The following LNP1 variants were observed in gnomAD, a reference collection of about 807,000 sequenced individuals.
LNP1 encodes leukemia NUP98 fusion partner 1.
A neutral mutation model predicts 14.5 loss-of-function variants in LNP1; 12 were observed. The ratio of observed to expected loss-of-function variants is 0.83; its 90% confidence interval spans 0.53 to 1.34. The LOEUF is 1.34. Among genes scored for constraint, LNP1 ranks in the 40% most tolerant of loss-of-function variants. The pLI is 0.00. For synonymous variants in LNP1, 75 were observed against 71.4 expected (o/e 1.05, Z -0.26); for missense variants, 198 against 210.9 (o/e 0.94, Z 0.38).
In LNP1 at chr3:100,434,759, C is replaced by T. The variant is rs549605981; in HGVS notation, c.156+4874C>T. ...AGCCTGGCTGGTCTTGAACTCCTGA[C>T]CTCAGGTGATCTGCCCACCTCGGCC... On this transcript the variant is annotated intron_variant, in intron 2 of 3. Transcript: ENST00000383693. Among the ~76,000 whole-genome samples the T allele has an allele frequency of 4.0e-5, 6 of 151,624 alleles. No individual in the cohort carries two copies. In the South Asian group the frequency reaches 1.0e-3, roughly 26 times the overall value.
intron 1 of LNP1, among the ~76,000 whole-genome samples, chr3:100,406,141 C>T (rs1706963476): frequency 6.6e-6 from 1 of 152,094 alleles, no homozygotes; most frequent in South Asian, 2.1e-4. Flanking sequence ...CAAAAATTAG[C>T]CGGGCATGGT....
chr3:100,422,741 G>T (rs1576229181), intron 1 of LNP1, among the ~76,000 whole-genome samples: 2 of 148,586 alleles, frequency 1.3e-5, no homozygotes, highest in Admixed American at 6.7e-5. Flanking sequence ...AAGGTAACTG[G>T]ATATTTATAT....
intron 2 of LNP1, among the ~76,000 whole-genome samples, chr3:100,441,902 T>G (rs1299211757): frequency 1.3e-5 from 2 of 152,094 alleles, no homozygotes; most frequent in Non-Finnish European, 2.9e-5. Flanking sequence ...TGATGTCAGG[T>G]GATCCACTCG....
chr3:100,401,899 G>C lies in LNP1; in HGVS notation c.-574G>C, dbSNP rs1470475874. ...TGTTAGGGGTTTCTTAAACTGAGTT[G>C]GTAGAAATGCGAAGCGTCAGGGTTC... On this transcript the variant is annotated 5_prime_UTR_variant, in exon 1 of 4. Coordinates refer to ENST00000383693, the MANE Select transcript of LNP1 (RefSeq NM_001085451.2). The C allele has an allele frequency of 6.6e-6, 1 of 152,174 alleles. No individual in the cohort carries two copies. Among genetic ancestry groups the C allele is most frequent in the Non-Finnish European group, 1.5e-5 (1 of 68,036 alleles). 9.4% of individuals were successfully genotyped at this position (152,174 alleles called of 1,614,324 possible).
At chr3:100,446,895 AATGAGATACC>A (rs1164769815) in intron 2 of LNP1, among the ~76,000 whole-genome samples, 1 of 152,218 alleles carries the variant, frequency 6.6e-6, no homozygotes, top group African/African-American at 2.4e-5. Flanking sequence ...TCAAAACCAC[AATGAGATACC>A]ATCTCACACC....
rs767811020 is a variant in LNP1, at chr3:100,451,912, G to T, written c.350G>T (p.Arg117Leu). 1.9e-5 allele frequency: 31 copies of T among 1,613,664 alleles called. No individual in the cohort carries two copies. The East Asian group carries it at 4.7e-4, about 24-fold the overall frequency. ...KIEKFSESFE[R>L]QLCFRTKRSA... The stretch of plus-strand genomic sequence containing the variant: ...GAGAAATTTTCAGAGTCCTTTGAAC[G>T]GCAACTGTGCTTTAGAACCAAGCGT... The change falls in exon 3 of 4, where the codon CGG becomes CTG. Residue 117 changes from arginine (R) to leucine (L), a missense_variant. By Grantham distance (102) the Arg-to-Leu change is moderately radical. Transcript: ENST00000383693.
At chr3:100,442,181 T>C (rs1707350015) in intron 2 of LNP1, among the ~76,000 whole-genome samples, 1 of 152,228 alleles carries the variant, frequency 6.6e-6, no homozygotes, top group Non-Finnish European at 1.5e-5. Context: ...TTTAGTGTTC[T>C]AATGATGGAG....
chr3:100,429,960 A>G lies in LNP1; in HGVS notation c.156+75A>G, dbSNP rs553239192. Reference sequence around the variant, plus strand: ...GTTTCTCTTAGATAATTTTTTGAGGAATCTTTGGATATAAAGTTTTCTTTG... The same window carrying G: ...GTTTCTCTTAGATAATTTTTTGAGGGATCTTTGGATATAAAGTTTTCTTTG... On this transcript the variant is annotated intron_variant, in intron 2 of 3. Coordinates refer to ENST00000383693, the MANE Select transcript of LNP1 (RefSeq NM_001085451.2). 4.2e-4 allele frequency: 621 copies of G among 1,468,934 alleles called. 6 individuals carry two copies. In the South Asian group the frequency reaches 7.2e-3, roughly 17 times the overall value. The allele number at this position is 1,468,934 out of a possible 1,614,324, so 91.0% of individuals were successfully genotyped here.
intron 2 of LNP1, among the ~76,000 whole-genome samples, chr3:100,435,057 G>A (rs961524267): frequency 6.6e-6 from 1 of 152,152 alleles, no homozygotes; most frequent in African/African-American, 2.4e-5. Context: ...ACTATCAAGT[G>A]TCATGATTGG....
intron 1 of LNP1, among the ~76,000 whole-genome samples, chr3:100,411,167 T>A (rs1435927053): frequency 6.6e-6 from 1 of 152,212 alleles, no homozygotes. Context: ...TTTGGACTTG[T>A]TACAAAAGCC....
At chr3:100,415,547 A>G (rs1707074733) in intron 1 of LNP1, among the ~76,000 whole-genome samples, 2 of 152,212 alleles carry the variant, frequency 1.3e-5, no homozygotes, top group Non-Finnish European at 2.9e-5. Context: ...TAGAGAGGCA[A>G]CCATTATGAG....
At chr3:100,431,992 T>A (rs7374784) in intron 2 of LNP1, among the ~76,000 whole-genome samples, 2,372 of 34,382 alleles carry the variant, frequency 0.069, 128 homozygotes, top group South Asian at 0.13. Flanking sequence ...GAGACCTTGT[T>A]TATATATATA....
Position 100,455,986 on chromosome 3 carries a change from C to T in LNP1, c.*60C>T, listed in dbSNP as rs912206380. On this transcript the variant is annotated 3_prime_UTR_variant, in exon 4 of 4. Coordinates refer to ENST00000383693, the MANE Select transcript of LNP1 (RefSeq NM_001085451.2). ...TGTTTTGGTTTTTTTCTTTGAGCCCCAATTCACCATTTCAGGATGTGGATG... is the reference window on the plus strand; with the variant it reads ...TGTTTTGGTTTTTTTCTTTGAGCCCTAATTCACCATTTCAGGATGTGGATG... The T allele has an allele frequency of 5.9e-6, 9 of 1,537,220 alleles. No homozygotes were observed. In the African/African-American group the frequency reaches 1.1e-4, roughly 19 times the overall value.
At chr3:100,431,293 A>C (rs533355316) in intron 2 of LNP1, among the ~76,000 whole-genome samples, 2 of 152,376 alleles carry the variant, frequency 1.3e-5, no homozygotes, top group East Asian at 3.9e-4. Context: ...CATTTACAGA[A>C]TTCACTTTTA....
At chr3:100,417,005 C>T (rs1260042186) in intron 1 of LNP1, among the ~76,000 whole-genome samples, 2 of 152,036 alleles carry the variant, frequency 1.3e-5, no homozygotes, top group Non-Finnish European at 2.9e-5. Context: ...CTAGCTCATA[C>T]CTTCTTTCTT....
intron 2 of LNP1, among the ~76,000 whole-genome samples, chr3:100,444,888 C>T (rs1291163684): frequency 6.6e-6 from 1 of 152,218 alleles, no homozygotes; most frequent in Non-Finnish European, 1.5e-5. Flanking sequence ...ATTAAGGCGT[C>T]AGCTAATGCT....
intron 2 of LNP1, among the ~76,000 whole-genome samples, chr3:100,431,710 T>A (rs909269808): frequency 2.0e-5 from 3 of 151,336 alleles, no homozygotes; most frequent in African/African-American, 7.3e-5. Flanking sequence ...TTCTTACTTT[T>A]GGCGTGGTGC....
At chr3:100,416,602 TGTGTGTGTGTG>T (rs1707086691) in intron 1 of LNP1, among the ~76,000 whole-genome samples, 3 of 58,612 alleles carry the variant, frequency 5.1e-5, no homozygotes, top group African/African-American at 1.4e-4. Context: ...ATCTTTTTTG[TGTGTGTGTGTG>T]TGTGTGTGTG....
intron 1 of LNP1, among the ~76,000 whole-genome samples, chr3:100,422,212 C>G (rs1391907596): frequency 2.6e-5 from 3 of 117,298 alleles, no homozygotes; most frequent in African/African-American, 1.0e-4. Context: ...GCTATGGAGT[C>G]TTGCTTAGTC....
Sources: allele counts gnomAD v4.1 joint callset (sites outside exome capture counted in the v4.1 genomes callset), GRCh38; gene constraint gnomAD v4.1.1; transcripts MANE v1.5; gene names NCBI Gene and HGNC (gene_info 2026-07-23, HGNC 2026-07-21).